GALM: variants seen among roughly 807,000 people sequenced by gnomAD.
The protein encoded by GALM is aldose 1-epimerase.
A neutral mutation model predicts 37.4 loss-of-function variants in GALM; 43 were observed. The observed-to-expected ratio is 1.15, with a 90% confidence interval of 0.90 to 1.48. The LOEUF (loss-of-function observed/expected upper bound fraction) is 1.48, where lower values mean the gene tolerates loss of function less well. GALM is among the 40% of genes most tolerant of loss of function. The pLI is 0.00. For synonymous variants in GALM, 199 were observed against 170.6 expected, an observed-to-expected ratio of 1.17 and a Z score of -1.30; for missense variants, 456 against 419.1, an observed-to-expected ratio of 1.09 and a Z score of -0.77.
intron 4 of GALM, among the ~76,000 whole-genome samples, chr2:38,690,171 T>A (rs1572521556): frequency 1.3e-5 from 2 of 152,254 alleles, no homozygotes; most frequent in African/African-American, 4.8e-5. Flanking sequence ...AAATGGTGAG[T>A]AAGATAATAC....
At position 38,733,679 on chromosome 2, in the gene GALM, C is replaced by G; in HGVS notation, c.*114C>G. ...AATGATTCTATGGATTAAAATCATA[C>G]AAATGGTGGCTGTTCTGAGAATCAG... On this transcript the variant is annotated 3_prime_UTR_variant, in exon 7 of 7. Transcript: ENST00000272252. The G allele has an allele frequency of 4.9e-6, 4 of 809,400 alleles. No individual in the cohort carries two copies. Among genetic ancestry groups the G allele is most frequent in the Non-Finnish European group, 8.6e-6 (4 of 464,010 alleles). 50.1% of individuals were successfully genotyped at this position (809,400 alleles called of 1,614,324 possible). A position where few individuals can be genotyped will look rare whatever the true frequency, so the allele number is the denominator to read the frequency against.
chr2:38,681,220 AAT>A (rs1193579770), intron 2 of GALM, 58 bp from the exon 3 acceptor site: 13 of 1,241,926 alleles, frequency 1.0e-5, no homozygotes, highest in Middle Eastern at 2.7e-4. Context: ...TAAATATTGA[AAT>A]ATGGCATTTA....
intron 5 of GALM, among the ~76,000 whole-genome samples, chr2:38,730,119 T>C (rs138013324): frequency 3.3e-5 from 5 of 152,358 alleles, no homozygotes; most frequent in East Asian, 3.9e-4. Context: ...CCTTGACCGA[T>C]AGACACTTGT....
At chr2:38,681,158 A>T (rs1278588788) in intron 2 of GALM, 122 bp from the exon 3 acceptor site, 6 of 831,746 alleles carry the variant, frequency 7.2e-6, no homozygotes, top group South Asian at 1.5e-5. Context: ...GGCTATCATT[A>T]AAAAGTCTTA....
At chr2:38,732,766 A>G (rs950413277) in intron 6 of GALM, among the ~76,000 whole-genome samples, 3 of 151,744 alleles carry the variant, frequency 2.0e-5, no homozygotes, top group Non-Finnish European at 4.4e-5. Context: ...AGATTATTAG[A>G]AAAATTAGCC....
chr2:38,679,207 G>A (rs1186438560), intron 2 of GALM, among the ~76,000 whole-genome samples: 5 of 152,078 alleles, frequency 3.3e-5, no homozygotes, highest in Middle Eastern at 3.2e-3. Context: ...GGCTTGTCTC[G>A]AACTCTTGAC....
chr2:38,687,250 C>T (rs994484372), intron 3 of GALM, among the ~76,000 whole-genome samples: 6 of 152,224 alleles, frequency 3.9e-5, no homozygotes, highest in Non-Finnish European at 8.8e-5. Flanking sequence ...TAGGCTAGAC[C>T]TGCTCTAGGC....
At chr2:38,672,878 CG>C (rs1665147448) in intron 1 of GALM, among the ~76,000 whole-genome samples, 2 of 151,680 alleles carry the variant, frequency 1.3e-5, no homozygotes, top group South Asian at 4.2e-4. Flanking sequence ...GGCTTGGTGG[CG>C]GGCACCTGTA....
At position 38,731,725 on chromosome 2, in the gene GALM, T is replaced by C; in HGVS notation, c.777-10T>C. The C allele has an allele frequency of 1.2e-6, 2 of 1,611,434 alleles. No homozygotes were observed. Among genetic ancestry groups the C allele is most frequent in the Non-Finnish European group, 1.7e-6 (2 of 1,178,056 alleles). ...TGCCCTGGACTCATGTTGTTTGTAT[T>C]TCTTACCAGGGTGCATCATGCTGCA... On this transcript the variant is annotated splice_polypyrimidine_tract_variant and intron_variant, in intron 5 of 6. Transcript: ENST00000272252.
intron 4 of GALM, among the ~76,000 whole-genome samples, chr2:38,714,462 A>G (rs771706397): frequency 1.3e-5 from 2 of 152,030 alleles, no homozygotes; most frequent in Non-Finnish European, 1.5e-5. Context: ...TGATCCGCCC[A>G]CCTCAGCCTG....
chr2:38,730,730 C>T (rs1666590504), intron 5 of GALM, among the ~76,000 whole-genome samples: 1 of 149,734 alleles, frequency 6.7e-6, no homozygotes, highest in Non-Finnish European at 1.5e-5. Flanking sequence ...AGACCAGCCT[C>T]GCCAACATGG....
chr2:38,674,064 T>C (rs987513909), intron 1 of GALM, among the ~76,000 whole-genome samples: 1 of 152,150 alleles, frequency 6.6e-6, no homozygotes, highest in African/African-American at 2.4e-5. Flanking sequence ...TGGTTACCAT[T>C]GGAAAGGAGG....
intron 4 of GALM, among the ~76,000 whole-genome samples, chr2:38,713,962 A>G (rs570980382): frequency 3.9e-5 from 6 of 152,076 alleles, no homozygotes; most frequent in South Asian, 2.1e-4. Context: ...TTTGAGTTCT[A>G]TAGGCCTCAT....
rs113726218 is a variant in GALM at position 38,716,664 on chromosome 2, T to C, written c.635-12892T>C. 2.4e-3 allele frequency among the ~76,000 whole-genome samples: 360 copies of C among 152,190 alleles called. 5 individuals carry two copies. Among genetic ancestry groups the C allele is most frequent in the African/African-American group, 8.4e-3 (348 of 41,522 alleles). ...AAAACCATTGTTCTCAATTTAAAAA[T>C]CACTAGAAGAGGAAGCTTCAGAAAA... On this transcript the variant is annotated intron_variant, in intron 4 of 6. Transcript: ENST00000272252.
chr2:38,697,883 A>T (rs1444433407), intron 4 of GALM, among the ~76,000 whole-genome samples: 1 of 151,744 alleles, frequency 6.6e-6, no homozygotes, highest in African/African-American at 2.4e-5. Flanking sequence ...GGACCCACAA[A>T]TCTTTGGCAG....
chr2:38,667,705 C>T (rs542030645), intron 1 of GALM, among the ~76,000 whole-genome samples: 24 of 151,878 alleles, frequency 1.6e-4, no homozygotes, highest in African/African-American at 4.6e-4. Flanking sequence ...AGGCTGCTGG[C>T]GGGCACCTGT....
chr2:38,692,944 A>G (rs1665712419), intron 4 of GALM, among the ~76,000 whole-genome samples: 1 of 152,192 alleles, frequency 6.6e-6, no homozygotes, highest in Admixed American at 6.5e-5. Flanking sequence ...CATTTGGGGC[A>G]TAATTTTAGT....
intron 4 of GALM, among the ~76,000 whole-genome samples, chr2:38,724,874 G>A (rs1456242525): frequency 6.6e-6 from 1 of 152,190 alleles, no homozygotes; most frequent in African/African-American, 2.4e-5. Context: ...TCGTTTTACA[G>A]AGGGAAGAGC....
rs1665518717 is a variant in GALM, at chr2:38,686,236, CTT to C, written c.553-3575_553-3574del. Among the ~76,000 whole-genome samples, 3 of 80,490 alleles carry C rather than the reference CTT, an allele frequency of 3.7e-5. 1 individual carries two copies. The highest frequency in any genetic ancestry group is 2.3e-5 in the Non-Finnish European group (1 of 44,406). The allele number at this position is 80,490 out of a possible 152,430, so 52.8% of individuals were successfully genotyped here. ...AAAGTGGAAATTTCTTTCTTTCTTT[CTT>C]TCTTTCTTTCTTTCTTTCTTTCTTT... is the stretch of plus-strand genomic sequence containing the variant. On this transcript the variant is annotated intron_variant, in intron 3 of 6. Coordinates refer to ENST00000272252, the MANE Select transcript of GALM (RefSeq NM_138801.3).
Sources: allele counts gnomAD v4.1 joint callset (sites outside exome capture counted in the v4.1 genomes callset), GRCh38; gene constraint gnomAD v4.1.1; transcripts MANE v1.5; gene names NCBI Gene and HGNC (gene_info 2026-07-23, HGNC 2026-07-21).